The following NUFIP2 variants were observed in gnomAD, a reference collection of about 807,000 sequenced individuals.
NUFIP2 encodes the protein nuclear FMR1 interacting protein 2.
In NUFIP2, 6 loss-of-function variants were observed where a neutral mutation model predicts 56.9. The observed-to-expected ratio is 0.11, with a 90% CI of 0.06 to 0.21. The LOEUF (loss-of-function observed/expected upper bound fraction) is 0.21, where lower values mean the gene tolerates loss of function less well. Among genes scored for constraint, NUFIP2 ranks in the 10% least tolerant of loss-of-function variants. The probability of loss-of-function intolerance (pLI) is 1.00; values close to 1 mark genes in which losing one functional copy is unlikely to be tolerated. For synonymous variants in NUFIP2, 321 were observed against 298.2 expected, an observed-to-expected ratio of 1.08 and a Z score of -0.79; for missense variants, 828 against 826.8, an observed-to-expected ratio of 1.00 and a Z score of -0.02.
rs530401173 is a variant in NUFIP2, at chr17:29,258,477, T to G, written c.*6062A>C. 9.2e-5 allele frequency: 14 copies of G among 152,282 alleles called. No individual in the cohort carries two copies. The highest frequency in any genetic ancestry group is 2.9e-4 in the African/African-American group (12 of 41,568). 9.4% of individuals were successfully genotyped at this position (152,282 alleles called of 1,614,324 possible). A position where few individuals can be genotyped will look rare whatever the true frequency, so the allele number is the denominator to read the frequency against. ...AGTCCCCAGCTTACATAGACAAATGTTTTCTAAAAGATCAGCAACAAATCA... is the reference window on the plus strand; with the variant it reads ...AGTCCCCAGCTTACATAGACAAATGGTTTCTAAAAGATCAGCAACAAATCA... On this transcript the variant is annotated 3_prime_UTR_variant, in exon 4 of 4. Coordinates refer to ENST00000225388, the MANE Select transcript of NUFIP2 (RefSeq NM_020772.3).
intron 1 of NUFIP2, 68 bp downstream of exon 1, chr17:29,293,715 A>C: frequency 2.8e-6 from 4 of 1,406,922 alleles, no homozygotes; most frequent in Non-Finnish European, 3.8e-6. Flanking sequence ...TTTCGGATCC[A>C]GCCCCACCCC....
intron 2 of NUFIP2, 21 bp downstream of exon 2, chr17:29,285,971 T>C: frequency 1.9e-6 from 3 of 1,562,784 alleles, no homozygotes. Context: ...AAAATCTTTG[T>C]ATAGGAAACA....
Position 29,256,864 on chromosome 17 carries a change from C to G in NUFIP2, c.*7675G>C, listed in dbSNP as rs1186448208. 6.6e-6 allele frequency: 1 copy of G among 152,180 alleles called. No individual in the cohort carries two copies. The highest frequency in any genetic ancestry group is 1.5e-5 in the Non-Finnish European group (1 of 68,026). 9.4% of individuals were successfully genotyped at this position (152,180 alleles called of 1,614,324 possible). On this transcript the variant is annotated 3_prime_UTR_variant, in exon 4 of 4. Coordinates refer to ENST00000225388, the MANE Select transcript of NUFIP2 (RefSeq NM_020772.3). ...AAGATACACGTTATCTTTAAAACAA[C>G]CAGTGCTTTGATCTTACAAACAACT...
intron 1 of NUFIP2, among the ~76,000 whole-genome samples, chr17:29,288,125 G>A (rs1480845282): frequency 6.6e-6 from 1 of 152,224 alleles, no homozygotes; most frequent in Admixed American, 6.5e-5. Flanking sequence ...CTCACTGTAA[G>A]CTCCACCTCC....
intron 2 of NUFIP2, among the ~76,000 whole-genome samples, chr17:29,282,037 C>T (rs1038009140): frequency 6.6e-6 from 1 of 151,664 alleles, no homozygotes; most frequent in Non-Finnish European, 1.5e-5. Flanking sequence ...GCTGGGATTA[C>T]AGGCGTGAGC....
At chr17:29,291,467 A>C (rs1282649724) in intron 1 of NUFIP2, among the ~76,000 whole-genome samples, 1 of 152,232 alleles carries the variant, frequency 6.6e-6, no homozygotes, top group Non-Finnish European at 1.5e-5. Flanking sequence ...ATGCATGTCA[A>C]AGCAACAGTA....
chr17:29,267,306 G>T (rs1426778698), intron 3 of NUFIP2, among the ~76,000 whole-genome samples, 192 bp downstream of exon 3: 1 of 151,452 alleles, frequency 6.6e-6, no homozygotes, highest in Non-Finnish European at 1.5e-5. Context: ...CTCCCGCCTT[G>T]GCCTCCCACA....
Position 29,287,104 on chromosome 17 carries a change from C to T in NUFIP2, c.890G>A (p.Gly297Asp). ...GGTSRGKPAV[G>D]DMLRKSSDSK... ...ATCTGAGCTTTTCCGAAGCATATCA[C>T]CCACAGCAGGTTTTCCTCGACTTGT... The change falls in exon 2 of 4, where the codon GGT becomes GAT. Residue 297 changes from glycine to aspartate, a missense_variant. Physicochemically the swap from Gly to Asp is moderately conservative, Grantham distance 94 (BLOSUM62 -1). Around this residue, in one of 3 missense-constraint regions of NUFIP2, gnomAD observed 415 missense variants for 408.7 expected, o/e 1.02. Transcript: ENST00000225388. 1.2e-6 allele frequency: 2 copies of T among 1,614,162 alleles called. No individual in the cohort carries two copies. Among genetic ancestry groups the T allele is most frequent in the South Asian group, 1.1e-5 (1 of 91,074 alleles).
At chr17:29,287,758 C>A in intron 1 of NUFIP2, 42 bp from the exon 2 acceptor site, 1 of 1,503,126 alleles carries the variant, frequency 6.7e-7, no homozygotes, top group Non-Finnish European at 8.9e-7. Flanking sequence ...AAAATCACAA[C>A]ATGTAAATTA....
chr17:29,294,147 C>G lies in NUFIP2; in HGVS notation c.-88G>C, dbSNP rs764775591. On this transcript the variant is annotated 5_prime_UTR_variant, in exon 1 of 4. Coordinates refer to ENST00000225388, the MANE Select transcript of NUFIP2 (RefSeq NM_020772.3). The stretch of plus-strand genomic sequence containing the variant: ...GCTTCTCAGGGCTCACTCAGTATAT[C>G]TGAGCGCGTCTCGCCAGCGCACTGG... 61 of 1,469,610 alleles carry G rather than the reference C, an allele frequency of 4.2e-5. No homozygotes were observed. Among genetic ancestry groups the G allele is most frequent in the Non-Finnish European group, 5.1e-5 (56 of 1,107,134 alleles). The allele number at this position is 1,469,610 out of a possible 1,614,324, so 91.0% of individuals were successfully genotyped here.
intron 2 of NUFIP2, among the ~76,000 whole-genome samples, chr17:29,271,346 G>A (rs2069071009): frequency 6.6e-6 from 1 of 152,018 alleles, no homozygotes; most frequent in South Asian, 2.1e-4. Context: ...ATACCAGCCT[G>A]GCCAACATGG....
chr17:29,267,611 A>T, intron 2 of NUFIP2, 81 bp from the exon 3 acceptor site: 2 of 857,876 alleles, frequency 2.3e-6, no homozygotes, highest in African/African-American at 1.7e-5. Context: ...AAATCTAAAA[A>T]TCCTAGACTG....
chr17:29,271,403 G>A (rs1469554135), intron 2 of NUFIP2, among the ~76,000 whole-genome samples: 1 of 152,062 alleles, frequency 6.6e-6, no homozygotes, highest in East Asian at 1.9e-4. Context: ...AACGCATGGT[G>A]GTGCACGCCT....
intron 2 of NUFIP2, among the ~76,000 whole-genome samples, chr17:29,273,634 A>C (rs1193505435): frequency 6.6e-6 from 1 of 152,194 alleles, no homozygotes; most frequent in Non-Finnish European, 1.5e-5. Context: ...ACCTAATAGA[A>C]CGTAAGTAAA....
At chr17:29,282,791 A>G (rs2069148402) in intron 2 of NUFIP2, among the ~76,000 whole-genome samples, 1 of 152,122 alleles carries the variant, frequency 6.6e-6, no homozygotes, top group Admixed American at 6.6e-5. Flanking sequence ...ACTAAAGCAC[A>G]AAGAAAATAA....
rs117767262 is a variant in NUFIP2 at position 29,274,839 on chromosome 17, C to A, written c.2003-7309G>T. Among the ~76,000 whole-genome samples, 28 of 151,228 alleles carry A rather than the reference C, an allele frequency of 1.9e-4. 2 individuals are homozygous for A. The East Asian group carries it at 5.4e-3, about 29-fold the overall frequency. Reference sequence around the variant, plus strand: ...GTTAAGAAGAGATGAAGACAGTATGCGAGATAGAAAAGAAAAAAATGGAGA... The same window carrying A: ...GTTAAGAAGAGATGAAGACAGTATGAGAGATAGAAAAGAAAAAAATGGAGA... On this transcript the variant is annotated intron_variant, in intron 2 of 3. Transcript: ENST00000225388.
At chr17:29,279,540 T>C (rs933229145) in intron 2 of NUFIP2, among the ~76,000 whole-genome samples, 1 of 152,262 alleles carries the variant, frequency 6.6e-6, no homozygotes, top group South Asian at 2.1e-4. Flanking sequence ...ATACCAACTG[T>C]TGTATGTTTT....
At chr17:29,280,349 G>C (rs2069132567) in intron 2 of NUFIP2, among the ~76,000 whole-genome samples, 1 of 152,192 alleles carries the variant, frequency 6.6e-6, no homozygotes, top group Non-Finnish European at 1.5e-5. Flanking sequence ...AGCTTTTAAA[G>C]TCAAGTCAAA....
At chr17:29,292,970 C>T (rs1158587398) in intron 1 of NUFIP2, among the ~76,000 whole-genome samples, 2 of 149,970 alleles carry the variant, frequency 1.3e-5, no homozygotes, top group Admixed American at 1.3e-4. Context: ...CCGGGTCACC[C>T]GGCTCCGCCG....
Sources: gnomAD v4.1 joint callset for allele counts (sites outside exome capture counted in the v4.1 genomes callset) on GRCh38, gnomAD v4.1.1 for gene constraint, gnomAD v4.1.1 regional missense constraint, MANE v1.5 for transcripts, NCBI Gene and HGNC (gene_info 2026-07-23, HGNC 2026-07-21) for gene names.